The following NCALD variants were observed in gnomAD, a reference collection of about 807,000 sequenced individuals.
NCALD encodes neurocalcin-delta.
NCALD carries 10 observed loss-of-function variants against 18.6 expected under a neutral mutation model. That is an observed-to-expected ratio of 0.54 (90% confidence interval 0.33 to 0.91). The LOEUF (loss-of-function observed/expected upper bound fraction) is 0.91, where lower values mean the gene tolerates loss of function less well. Among genes scored for constraint, NCALD ranks in the 40% least tolerant of loss-of-function variants. The pLI, the probability that NCALD is intolerant of heterozygous loss-of-function variation, is 0.03. For synonymous variants in NCALD, 88 were observed against 87.4 expected (o/e 1.01, Z -0.04); for missense variants, 184 against 247.6 (o/e 0.74, Z 1.72).
chr8:101,879,262 G>C (rs1017950605), intron 4 of NCALD, among the ~76,000 whole-genome samples: 2 of 152,174 alleles, frequency 1.3e-5, no homozygotes, highest in Non-Finnish European at 2.9e-5. Flanking sequence ...CCTAAAGATG[G>C]TGTGTCTGGA....
intron 3 of NCALD, among the ~76,000 whole-genome samples, chr8:101,915,030 A>G (rs73282619): frequency 0.14 from 21,675 of 152,208 alleles, 1,789 homozygotes; most frequent in African/African-American, 0.22. Flanking sequence ...TGCAGTGATT[A>G]CCATGTGCCA....
In NCALD at chr8:102,052,061, T is replaced by G. The variant is rs528406509; in HGVS notation, c.-209-31772A>C. Among the ~76,000 whole-genome samples, 17 of 152,364 alleles carry G rather than the reference T, an allele frequency of 1.1e-4. No individual in the cohort carries two copies. The South Asian group carries it at 3.1e-3, about 28-fold the overall frequency. Reference sequence around the variant, plus strand: ...CTGAATGTAATGTTCTTTGGGTTTTTATCAACAGCCAGGTAAATGGGAAGA... The same window carrying G: ...CTGAATGTAATGTTCTTTGGGTTTTGATCAACAGCCAGGTAAATGGGAAGA... On this transcript the variant is annotated intron_variant, in intron 1 of 6. Transcript: ENST00000311028.
intron 3 of NCALD, chr8:101,691,107 G>T (rs1175731111): frequency 1.0e-6 from 1 of 985,174 alleles, no homozygotes; most frequent in Non-Finnish European, 1.2e-6. Flanking sequence ...CTCTGCTCTC[G>T]GCAGGGAGGG....
chr8:101,792,234 C>T (rs372981561), upstream of NCALD, among the ~76,000 whole-genome samples: 3 of 152,046 alleles, frequency 2.0e-5, no homozygotes, highest in African/African-American at 7.3e-5. Context: ...TAAATGGAAC[C>T]TAAGTCAGCC....
At chr8:102,111,250 GA>G (rs1381461269) in intron 1 of NCALD, among the ~76,000 whole-genome samples, 1 of 152,182 alleles carries the variant, frequency 6.6e-6, no homozygotes, top group Non-Finnish European at 1.5e-5. Context: ...TCAGAGGCTA[GA>G]ATGGACTTCT....
At chr8:101,762,898 C>T (rs904361927) in intron 1 of NCALD, among the ~76,000 whole-genome samples, 2 of 152,264 alleles carry the variant, frequency 1.3e-5, no homozygotes, top group South Asian at 2.1e-4. Flanking sequence ...AAAAAATGGA[C>T]AATAGATGCT....
At chr8:101,775,295 G>T (rs934968059) in intron 1 of NCALD, among the ~76,000 whole-genome samples, 1 of 152,122 alleles carries the variant, frequency 6.6e-6, no homozygotes, top group Non-Finnish European at 1.5e-5. Flanking sequence ...CACAGAACTT[G>T]CCTCTCATGT....
rs528694443 is a variant in NCALD, at chr8:102,001,876, G to A, written c.-157+18361C>T. Among the ~76,000 whole-genome samples, 6 of 152,310 alleles carry A rather than the reference G, an allele frequency of 3.9e-5. No individual in the cohort carries two copies. In the East Asian group the frequency reaches 1.2e-3, roughly 29 times the overall value. ...TAACCTAAAAGAGCTCCTGAGGGAA[G>A]CACTAAACCTGGAAAGGAACAACTG... is the stretch of plus-strand genomic sequence containing the variant. On this transcript the variant is annotated intron_variant, in intron 2 of 6. Transcript: ENST00000311028.
chr8:101,784,469 T>G (rs1233152264), intron 1 of NCALD, among the ~76,000 whole-genome samples: 1 of 152,092 alleles, frequency 6.6e-6, no homozygotes, highest in South Asian at 2.1e-4. Flanking sequence ...GGAGGGGCAA[T>G]AGACTTCACC....
In NCALD at chr8:102,097,277, A is replaced by C. The variant is rs1316919001; in HGVS notation, c.-210+26960T>G. Among the ~76,000 whole-genome samples the C allele has an allele frequency of 3.9e-5, 6 of 152,224 alleles. No homozygotes were observed. The South Asian group carries it at 8.3e-4, about 21-fold the overall frequency. The stretch of plus-strand genomic sequence containing the variant: ...AAAAAATAGTGAAAGACAAAGAATC[A>C]GTTCATTCATGGCATCTAACATTCA... On this transcript the variant is annotated intron_variant, in intron 1 of 6. Transcript: ENST00000311028.
chr8:102,031,835 C>T (rs181736603), intron 1 of NCALD, among the ~76,000 whole-genome samples: 2 of 152,176 alleles, frequency 1.3e-5, no homozygotes, highest in East Asian at 1.9e-4. Flanking sequence ...CATAGAACTC[C>T]GTGGCCTCTG....
At chr8:101,813,831 T>C (rs897464193) in intron 4 of NCALD, among the ~76,000 whole-genome samples, 1 of 152,056 alleles carries the variant, frequency 6.6e-6, no homozygotes, top group Non-Finnish European at 1.5e-5. Context: ...ATGGTGAAAA[T>C]CTGTCCATAT....
chr8:101,868,655 TGAG>T (rs1815877624), intron 4 of NCALD, among the ~76,000 whole-genome samples: 1 of 152,148 alleles, frequency 6.6e-6, no homozygotes, highest in East Asian at 1.9e-4. Context: ...CCTTGACGCA[TGAG>T]GAGAAGCACA....
intron 2 of NCALD, among the ~76,000 whole-genome samples, chr8:101,990,379 A>T (rs1334602566): frequency 1.3e-5 from 2 of 152,190 alleles, no homozygotes; most frequent in African/African-American, 4.8e-5. Context: ...AGGTGGGAAA[A>T]TGAAGAAATA....
intron 4 of NCALD, among the ~76,000 whole-genome samples, chr8:101,851,846 T>A (rs995362477): frequency 6.6e-6 from 1 of 152,158 alleles, no homozygotes; most frequent in Non-Finnish European, 1.5e-5. Flanking sequence ...TTCCAAAATT[T>A]ATGTTAAACT....
At chr8:101,946,626 C>T (rs1257813673) in intron 2 of NCALD, among the ~76,000 whole-genome samples, 1 of 151,768 alleles carries the variant, frequency 6.6e-6, no homozygotes, top group Non-Finnish European at 1.5e-5. Context: ...GCAGCAAGAA[C>T]AAACATCAAA....
At chr8:102,001,056 C>T (rs926639436) in intron 2 of NCALD, among the ~76,000 whole-genome samples, 4 of 152,306 alleles carry the variant, frequency 2.6e-5, no homozygotes, top group South Asian at 4.1e-4. Flanking sequence ...GAGAAGAAGG[C>T]TTCAGATGAT....
At chr8:102,062,945 G>C (rs1823893900) in intron 1 of NCALD, among the ~76,000 whole-genome samples, 1 of 151,916 alleles carries the variant, frequency 6.6e-6, no homozygotes, top group African/African-American at 2.4e-5. Context: ...TCTAAAACTT[G>C]AATAAGGTAC....
intron 2 of NCALD, among the ~76,000 whole-genome samples, chr8:101,933,790 C>T (rs1443745418): frequency 6.6e-6 from 1 of 152,086 alleles, no homozygotes; most frequent in Non-Finnish European, 1.5e-5. Flanking sequence ...GAAATGATTG[C>T]AAGCAATGGG....
Sources: gnomAD v4.1 joint callset for allele counts (sites outside exome capture counted in the v4.1 genomes callset) on GRCh38, gnomAD v4.1.1 for gene constraint, MANE v1.5 for transcripts, NCBI Gene and HGNC (gene_info 2026-07-23, HGNC 2026-07-21) for gene names.